Variants in RGS7BP observed in about 807,000 individuals in gnomAD.
RGS7BP encodes regulator of G protein signaling 7 binding protein, also known as regulator of G protein signaling 7-binding protein.
A neutral mutation model predicts 31.3 loss-of-function variants in RGS7BP; 9 were observed. The ratio of observed to expected loss-of-function variants is 0.29; its 90% CI spans 0.17 to 0.50. The LOEUF (loss-of-function observed/expected upper bound fraction) is 0.50, where lower values mean the gene tolerates loss of function less well. Among genes scored for constraint, RGS7BP ranks in the 20% least tolerant of loss-of-function variants. RGS7BP has a pLI of 0.98. For synonymous variants in RGS7BP, 115 were observed against 120.1 expected, an observed-to-expected ratio of 0.96 and a Z score of 0.28; for missense variants, 274 against 322.0, an observed-to-expected ratio of 0.85 and a Z score of 1.14.
At chr5:64,555,236 A>G (rs1296336311) in intron 2 of RGS7BP, among the ~76,000 whole-genome samples, 1 of 152,198 alleles carries the variant, frequency 6.6e-6, no homozygotes, top group Non-Finnish European at 1.5e-5. Context: ...AATAGAAGCC[A>G]GATGACAACA....
chr5:64,610,705 G>T lies in RGS7BP; in HGVS notation c.*1453G>T, dbSNP rs1743480951. On this transcript the variant is annotated 3_prime_UTR_variant, in exon 6 of 6. Coordinates refer to ENST00000334025, the MANE Select transcript of RGS7BP (RefSeq NM_001029875.3). The stretch of plus-strand genomic sequence containing the variant: ...TAAGGCCTTTTGCTTTAGTGAAGAT[G>T]AACTACTGTAATAATTATTGTATTA... 6.6e-6 allele frequency: 1 copy of T among 151,894 alleles called. No homozygotes were observed. Among genetic ancestry groups the T allele is most frequent in the Non-Finnish European group, 1.5e-5 (1 of 67,910 alleles). 9.4% of individuals were successfully genotyped at this position (151,894 alleles called of 1,614,324 possible).
At chr5:64,574,843 T>C (rs1742379325) in intron 2 of RGS7BP, among the ~76,000 whole-genome samples, 1 of 152,194 alleles carries the variant, frequency 6.6e-6, no homozygotes, top group African/African-American at 2.4e-5. Flanking sequence ...AAAAATCAGA[T>C]TTCATTGCAT....
In RGS7BP at chr5:64,506,874, G is replaced by C; in HGVS notation, c.165+85G>C. 7.7e-7 allele frequency: 1 copy of C among 1,296,722 alleles called. No individual in the cohort carries two copies. The allele number at this position is 1,296,722 out of a possible 1,614,324, so 80.3% of individuals were successfully genotyped here. A position where few individuals can be genotyped will look rare whatever the true frequency, so the allele number is the denominator to read the frequency against. ...ATGTATGTTAATCATTTGCCTGAGT[G>C]CCAGCCACTCCCCCACCCTCAGCTC... On this transcript the variant is annotated intron_variant, in intron 1 of 5. Transcript: ENST00000334025. This position sits in a 1 kb window ranked among gnomAD's most constrained non-coding sequence, Gnocchi z 4.6.
At chr5:64,531,779 G>A (rs144678736) in intron 2 of RGS7BP, among the ~76,000 whole-genome samples, 367 of 152,306 alleles carry the variant, frequency 2.4e-3, no homozygotes, top group African/African-American at 8.0e-3. Flanking sequence ...GATTTTGAGC[G>A]TATGTTGCTA....
intron 2 of RGS7BP, among the ~76,000 whole-genome samples, chr5:64,550,955 T>C (rs55683035): frequency 0.43 from 65,171 of 151,634 alleles, 14,522 homozygotes; most frequent in Middle Eastern, 0.5. Context: ...GTATATGTGC[T>C]GCATTTTCTT....
intron 2 of RGS7BP, among the ~76,000 whole-genome samples, chr5:64,514,050 A>G (rs1748909686): frequency 6.6e-6 from 1 of 152,138 alleles, no homozygotes; most frequent in Non-Finnish European, 1.5e-5. Flanking sequence ...TATCTGCTCC[A>G]TGCTTCTCCT....
chr5:64,599,789 A>G (rs1252351184), intron 5 of RGS7BP, among the ~76,000 whole-genome samples: 1 of 152,230 alleles, frequency 6.6e-6, no homozygotes, highest in Admixed American at 6.5e-5. Context: ...AGGCTCTGCC[A>G]CCTACCAGCT....
intron 3 of RGS7BP, among the ~76,000 whole-genome samples, chr5:64,589,382 T>C (rs573980015): frequency 1.3e-5 from 2 of 152,170 alleles, no homozygotes; most frequent in South Asian, 4.2e-4. Flanking sequence ...AAACAAATGA[T>C]TGATAATACT....
intron 2 of RGS7BP, among the ~76,000 whole-genome samples, chr5:64,519,157 G>C (rs1749045395): frequency 6.6e-6 from 1 of 152,218 alleles, no homozygotes. Flanking sequence ...GAAGAGTATG[G>C]AGCTTGGATG....
intron 4 of RGS7BP, among the ~76,000 whole-genome samples, chr5:64,597,180 G>A (rs1280900503): frequency 1.3e-5 from 2 of 152,112 alleles, no homozygotes; most frequent in Non-Finnish European, 2.9e-5. Context: ...ATCTGGACGT[G>A]TGTAGGGACA....
intron 2 of RGS7BP, chr5:64,539,854 A>T (rs1403289616): frequency 2.6e-5 from 4 of 152,138 alleles, no homozygotes; most frequent in African/African-American, 9.7e-5. Context: ...AACCCTTTTG[A>T]GCTAATTTTT....
intron 2 of RGS7BP, among the ~76,000 whole-genome samples, chr5:64,510,901 C>T (rs1748815288): frequency 6.6e-6 from 1 of 152,202 alleles, no homozygotes; most frequent in African/African-American, 2.4e-5. Context: ...CAATTCTTTG[C>T]TCTGTGTAGG....
chr5:64,582,993 CA>C (rs1742642962), intron 3 of RGS7BP, among the ~76,000 whole-genome samples: 1 of 152,042 alleles, frequency 6.6e-6, no homozygotes, highest in Non-Finnish European at 1.5e-5. Flanking sequence ...AGACATGATT[CA>C]AATCCTAAGT....
chr5:64,575,480 A>G (rs1203180937), intron 2 of RGS7BP, among the ~76,000 whole-genome samples: 3 of 152,228 alleles, frequency 2.0e-5, no homozygotes, highest in Non-Finnish European at 4.4e-5. Flanking sequence ...AATTTGTTCC[A>G]ACAGCTCAAT....
chr5:64,575,346 T>C (rs78212332), intron 2 of RGS7BP, among the ~76,000 whole-genome samples: 5,698 of 152,258 alleles, frequency 0.037, 364 homozygotes, highest in African/African-American at 0.13. Flanking sequence ...AATCACATTA[T>C]ACTAGGGCCC....
At chr5:64,598,528 C>G (rs1743135987) in intron 5 of RGS7BP, 93 bp downstream of exon 5, 1 of 822,220 alleles carries the variant, frequency 1.2e-6, no homozygotes, top group South Asian at 1.4e-5. Flanking sequence ...GTGTCTCACA[C>G]AAACAGTAGA....
chr5:64,560,086 T>C (rs1479320618), intron 2 of RGS7BP, among the ~76,000 whole-genome samples: 1 of 152,202 alleles, frequency 6.6e-6, no homozygotes, highest in Non-Finnish European at 1.5e-5. Context: ...GCACTACATA[T>C]GTCACACTGG....
At position 64,507,197 on chromosome 5, in the gene RGS7BP, C is replaced by T. The variant is rs562300770; in HGVS notation, c.165+408C>T. 3.3e-5 allele frequency among the ~76,000 whole-genome samples: 5 copies of T among 152,228 alleles called. No individual in the cohort carries two copies. In the East Asian group the frequency reaches 9.6e-4, roughly 29 times the overall value. On this transcript the variant is annotated intron_variant, in intron 1 of 5. Coordinates refer to ENST00000334025, the MANE Select transcript of RGS7BP (RefSeq NM_001029875.3). ...GGGCGCTGCGGAGGGGTCGAAGGTT[C>T]CAGCGCAGAGGCTGTAGCTGGTCTT... is the stretch of plus-strand genomic sequence containing the variant.
At chr5:64,551,164 C>T (rs539733043) in intron 2 of RGS7BP, among the ~76,000 whole-genome samples, 1 of 151,642 alleles carries the variant, frequency 6.6e-6, no homozygotes, top group East Asian at 1.9e-4. Flanking sequence ...CAAGAATGTT[C>T]CCCCTTCTGC....
Sources: gnomAD v4.1 joint callset for allele counts (sites outside exome capture counted in the v4.1 genomes callset) on GRCh38, gnomAD v4.1.1 for gene constraint, Gnocchi (gnomAD v3.1) non-coding constraint, MANE v1.5 for transcripts, NCBI Gene and HGNC (gene_info 2026-07-23, HGNC 2026-07-21) for gene names.